Variants in POC1B observed in about 807,000 individuals in gnomAD.
POC1B encodes POC1 centriolar protein homolog B.
POC1B carries 44 observed loss-of-function variants against 60.6 expected under a neutral mutation model. That is an observed-to-expected ratio of 0.73 (90% CI 0.57 to 0.93). POC1B has a LOEUF of 0.93. Among genes scored for constraint, POC1B ranks in the 40% least tolerant of loss-of-function variants. The pLI is 0.00. For synonymous variants in POC1B, 180 were observed against 198.9 expected (o/e 0.90, Z 0.80); for missense variants, 555 against 572.3 (o/e 0.97, Z 0.31).
intron 10 of POC1B, among the ~76,000 whole-genome samples, chr12:89,434,182 A>G (rs771977720): frequency 3.3e-5 from 5 of 152,250 alleles, no homozygotes; most frequent in Non-Finnish European, 5.9e-5. Context: ...AGGAGAAAAC[A>G]TACATCTTTT....
rs539980702 is a variant in POC1B at position 89,425,203 on chromosome 12, A to C, written c.1290T>G (p.Asp430Glu). The C allele has an allele frequency of 3.7e-6, 6 of 1,614,212 alleles. No homozygotes were observed. The Admixed American group carries it at 1.0e-4, about 27-fold the overall frequency. The change falls in exon 11 of 12, where the codon GAT (aspartate) becomes GAG (glutamate). Residue 430 changes from aspartate to glutamate, a missense_variant. Coordinates refer to ENST00000313546, the MANE Select transcript of POC1B (RefSeq NM_172240.3). ...GTTGTTCCATAATATGCTCTAAAGC[A>C]TCAGTCACAGCGAGAGGTATGCTCC... ...SQRSIPLAVT[D>E]ALEHIMEQLN... is the part of the protein sequence containing the mutation.
chr12:89,512,072 T>C (rs1228771475), intron 2 of POC1B, among the ~76,000 whole-genome samples: 2 of 152,000 alleles, frequency 1.3e-5, no homozygotes, highest in Non-Finnish European at 2.9e-5. Context: ...TAAACCTAGA[T>C]GGAAGTGAGG....
intron 2 of POC1B, chr12:89,523,483 G>C (rs371227409): frequency 6.2e-7 from 1 of 1,612,630 alleles, no homozygotes; most frequent in African/African-American, 1.3e-5. Context: ...GTGGGAACAC[G>C]GGTGGATCTC....
chr12:89,459,256 T>C (rs1181392440), intron 10 of POC1B, among the ~76,000 whole-genome samples: 1 of 151,686 alleles, frequency 6.6e-6, no homozygotes, highest in Admixed American at 6.6e-5. Context: ...CCAGGGCCTG[T>C]TGTGGGGTGG....
rs533982400 is a variant in POC1B, at chr12:89,421,119, G to A, written c.*34C>T. ...GTATGTACATTTGTTCATTTATTGG[G>A]CCTCTGCCCAACAAATGAAAATGAA... On this transcript the variant is annotated 3_prime_UTR_variant, in exon 12 of 12. Coordinates refer to ENST00000313546, the MANE Select transcript of POC1B (RefSeq NM_172240.3). 3.8e-5 allele frequency: 57 copies of A among 1,496,802 alleles called. No homozygotes were observed. The African/African-American group carries it at 7.0e-4, about 18-fold the overall frequency. 92.7% of individuals were successfully genotyped at this position (1,496,802 alleles called of 1,614,324 possible).
At chr12:89,434,273 T>C (rs763694906) in intron 10 of POC1B, among the ~76,000 whole-genome samples, 1 of 152,208 alleles carries the variant, frequency 6.6e-6, no homozygotes, top group Non-Finnish European at 1.5e-5. Flanking sequence ...AAATTGGAAA[T>C]TGCATTTTTA....
At position 89,500,469 on chromosome 12, in the gene POC1B, G is replaced by A. The variant is rs1374261243; in HGVS notation, c.101-3127C>T. ...CAGAAAATTCTGGCAACTGATGTTAGTTCCAAAAATACACCTGACTTGAAA... is the reference window on the plus strand; with the variant it reads ...CAGAAAATTCTGGCAACTGATGTTAATTCCAAAAATACACCTGACTTGAAA... On this transcript the variant is annotated intron_variant, in intron 2 of 11. Coordinates refer to ENST00000313546, the MANE Select transcript of POC1B (RefSeq NM_172240.3). The A allele has an allele frequency of 9.5e-6, 15 of 1,576,486 alleles. No homozygotes were observed. The African/African-American group carries it at 1.9e-4, about 20-fold the overall frequency.
the POC1B span, among the ~76,000 whole-genome samples, chr12:89,408,689 A>G: frequency 6.6e-6 from 1 of 151,876 alleles, no homozygotes; most frequent in Non-Finnish European, 1.5e-5. Context: ...GGGTTTCACC[A>G]TGTTATCCAG....
At chr12:89,491,668 G>A (rs937207595) in intron 4 of POC1B, among the ~76,000 whole-genome samples, 6 of 147,554 alleles carry the variant, frequency 4.1e-5, no homozygotes, top group South Asian at 4.3e-4. Context: ...AAAATTACGC[G>A]CCCCCTTCTA....
chr12:89,524,273 G>A, intron 2 of POC1B: 1 of 1,613,974 alleles, frequency 6.2e-7, no homozygotes, highest in Non-Finnish European at 8.5e-7. Flanking sequence ...AGTTCTTCTT[G>A]CTGCTTCAGT....
At chr12:89,490,264 A>G (rs1868884734) in intron 4 of POC1B, among the ~76,000 whole-genome samples, 1 of 151,990 alleles carries the variant, frequency 6.6e-6, no homozygotes, top group African/African-American at 2.4e-5. Flanking sequence ...CCTCTCTGAA[A>G]CTCACTTTCC....
At position 89,521,108 on chromosome 12, in the gene POC1B, TA is replaced by T. The variant is rs1403219062; in HGVS notation, c.100+4011del. On this transcript the variant is annotated intron_variant, in intron 2 of 11. Coordinates refer to ENST00000313546, the MANE Select transcript of POC1B (RefSeq NM_172240.3). ...GAGTTCAGCTCACTTATTTTATTATTATTTTTTTTTTTTGAGACAGAGTCTT... is the reference window on the plus strand; with the variant it reads ...GAGTTCAGCTCACTTATTTTATTATTTTTTTTTTTTTTGAGACAGAGTCTT... 49 of 134,634 alleles carry T rather than the reference TA, an allele frequency of 3.6e-4. 3 individuals carry two copies. The highest frequency in any genetic ancestry group is 4.4e-4 in the Admixed American group (6 of 13,694). 8.3% of individuals were successfully genotyped at this position (134,634 alleles called of 1,614,324 possible).
rs1351847519 is a variant in POC1B at position 89,498,666 on chromosome 12, A to G, written c.101-1324T>C. Among the ~76,000 whole-genome samples, 8 of 152,322 alleles carry G rather than the reference A, an allele frequency of 5.3e-5. No homozygotes were observed. In the South Asian group the frequency reaches 6.2e-4, roughly 12 times the overall value. On this transcript the variant is annotated intron_variant, in intron 2 of 11. Transcript: ENST00000313546. ...AGCACCCCCTTTTTAAAAAAATACA[A>G]AAAGTTAATATTCCACCAGAGCTTA... is the stretch of plus-strand genomic sequence containing the variant.
intron 2 of POC1B, chr12:89,522,508 TAA>T: frequency 2.9e-6 from 1 of 346,374 alleles, no homozygotes; most frequent in Non-Finnish European, 5.1e-6. Context: ...TCTTTAATAT[TAA>T]GTCTGGCACT....
chr12:89,524,528 C>G (rs1360374149), intron 2 of POC1B: 1 of 1,611,512 alleles, frequency 6.2e-7, no homozygotes, highest in Non-Finnish European at 8.5e-7. Flanking sequence ...CTCTTGCCTG[C>G]CCAAGTCCAC....
chr12:89,447,659 A>G (rs1249513303), intron 10 of POC1B, among the ~76,000 whole-genome samples: 1 of 152,122 alleles, frequency 6.6e-6, no homozygotes, highest in Non-Finnish European at 1.5e-5. Context: ...ATAGTTCTGA[A>G]TTAAGAATAA....
At chr12:89,402,766 G>T in the POC1B span, among the ~76,000 whole-genome samples, 2 of 152,044 alleles carry the variant, frequency 1.3e-5, no homozygotes, top group Non-Finnish European at 2.9e-5. Flanking sequence ...TTGAGACAAG[G>T]TCTCGCTCTT....
intron 6 of POC1B, 126 bp downstream of exon 6, chr12:89,471,488 T>C: frequency 1.5e-6 from 1 of 685,204 alleles, no homozygotes; most frequent in Non-Finnish European, 2.5e-6. Flanking sequence ...ATTATACTAT[T>C]CTCTAGCCTG....
At chr12:89,492,391 A>G (rs1411256992) in intron 3 of POC1B, among the ~76,000 whole-genome samples, 1 of 152,282 alleles carries the variant, frequency 6.6e-6, no homozygotes, top group South Asian at 2.1e-4. Context: ...GAGAAGTAGA[A>G]AACCTTAAAA....
Sources: gnomAD v4.1 joint callset for allele counts (sites outside exome capture counted in the v4.1 genomes callset) on GRCh38, gnomAD v4.1.1 for gene constraint, MANE v1.5 for transcripts, NCBI Gene and HGNC (gene_info 2026-07-23, HGNC 2026-07-21) for gene names.